The following PRR12 variants were observed in gnomAD, a reference collection of about 807,000 sequenced individuals.
PRR12 encodes the protein proline rich 12, also known as proline-rich protein 12.
Under a neutral mutation model 138.0 loss-of-function variants are expected in PRR12, and 12 were observed. The observed-to-expected ratio is 0.09, with a 90% confidence interval of 0.06 to 0.14. PRR12 has a LOEUF of 0.14. Ranked by LOEUF, PRR12 falls within the 10% of genes least tolerant of loss-of-function variation. The pLI is 1.00. For synonymous variants in PRR12, 1,567 were observed against 1,291.7 expected, an observed-to-expected ratio of 1.21 and a Z score of -4.57; for missense variants, 2,692 against 2,861.3, an observed-to-expected ratio of 0.94 and a Z score of 1.35.
At chr19:49,603,810 A>T (rs79501842) in intron 6 of PRR12, among the ~76,000 whole-genome samples, 13 of 152,116 alleles carry the variant, frequency 8.5e-5, no homozygotes, top group Admixed American at 7.9e-4. Flanking sequence ...GATAATAACT[A>T]TCATTACACT....
rs1287541483 is a variant in PRR12 at position 49,599,274 on chromosome 19, C to A, written c.3681C>A (p.Ile1227=). Residue 1227 remains isoleucine (I), a splice_region_variant and synonymous_variant, in exon 5 of 14, where the codon ATC becomes ATA. Coordinates refer to ENST00000418929, the MANE Select transcript of PRR12 (RefSeq NM_020719.3). This position sits in a 1 kb window ranked among gnomAD's most constrained non-coding sequence, Gnocchi z 5.0. ...TRLEPLKPLK[I]KLSVPKAGEG... ...CGGCCCGCCACTCCCATGTCTAGAT[C>A]AAGCTGTCTGTGCCCAAGGCTGGCG... The A allele has an allele frequency of 1.6e-5, 25 of 1,592,920 alleles. No homozygotes were observed. Among genetic ancestry groups the A allele is most frequent in the Non-Finnish European group, 2.1e-5 (25 of 1,168,494 alleles).
chr19:49,621,879 A>G, intron 11 of PRR12: 1 of 510,096 alleles, frequency 2.0e-6, no homozygotes, highest in Non-Finnish European at 3.6e-6. Context: ...GTTTCGGAGA[A>G]CAAGTGTGCA....
intron 11 of PRR12, among the ~76,000 whole-genome samples, chr19:49,622,764 C>T (rs569123348): frequency 2.0e-4 from 30 of 149,920 alleles, no homozygotes; most frequent in Middle Eastern, 3.4e-3. Context: ...TGGTGGCGGG[C>T]GCCTGTAGTC....
In PRR12 at chr19:49,597,537, A is replaced by C. The variant is rs751989043; in HGVS notation, c.3202A>C (p.Lys1068Gln). The change falls in exon 4 of 14, where the codon AAG (lysine) becomes CAG (glutamine). Residue 1068 changes from lysine to glutamine, a missense_variant. By Grantham distance (53) the Lys-to-Gln change is moderately conservative (BLOSUM62 1). This residue lies in a region of PRR12 where 840 missense variants were observed against 689.8 expected (regional missense o/e 1.22). Coordinates refer to ENST00000418929, the MANE Select transcript of PRR12 (RefSeq NM_020719.3). This position sits in a 1 kb window ranked among gnomAD's most constrained non-coding sequence, Gnocchi z 6.3. Reference sequence around the variant, plus strand: ...CACCTCGCCCATCTTCTGCTCTACCAAGCCAAAGAAGCTGCTCAAGACATC... The same window carrying C: ...CACCTCGCCCATCTTCTGCTCTACCCAGCCAAAGAAGCTGCTCAAGACATC... ...GLTSPIFCST[K>Q]PKKLLKTSSF... The C allele has an allele frequency of 6.4e-7, 1 of 1,572,606 alleles. No homozygotes were observed.
rs552842486 is a variant in PRR12, at chr19:49,613,691, C to T, written c.4774-842C>T. Among the ~76,000 whole-genome samples, 9 of 152,332 alleles carry T rather than the reference C, an allele frequency of 5.9e-5. No homozygotes were observed. In the East Asian group the frequency reaches 1.7e-3, roughly 29 times the overall value. On this transcript the variant is annotated intron_variant, in intron 6 of 13. Transcript: ENST00000418929. ...CTGTTCTTGGCACAGGCCACAAACT[C>T]ACCCTGTTTTGTTTATTTGCTTGTC...
At chr19:49,611,996 G>C (rs987020849) in intron 6 of PRR12, among the ~76,000 whole-genome samples, 4 of 150,946 alleles carry the variant, frequency 2.6e-5, no homozygotes, top group Non-Finnish European at 5.9e-5. Flanking sequence ...ACTTTGGGAG[G>C]CCCAGGCGGG....
At chr19:49,622,545 T>G (rs1159506561) in intron 11 of PRR12, among the ~76,000 whole-genome samples, 2 of 147,016 alleles carry the variant, frequency 1.4e-5, no homozygotes. Context: ...TGAGCCAAGA[T>G]GGTACCACTG....
intron 9 of PRR12, among the ~76,000 whole-genome samples, chr19:49,619,851 C>CTTTTTTTTT (rs55707507): frequency 1.1e-4 from 6 of 53,936 alleles, no homozygotes; most frequent in Non-Finnish European, 1.6e-4. Flanking sequence ...CAATGCCTGG[C>CTTTTTTTTT]TTTTTTTTTT....
intron 10 of PRR12, among the ~76,000 whole-genome samples, chr19:49,620,816 C>T (rs1204568778): frequency 9.8e-5 from 13 of 132,198 alleles, no homozygotes; most frequent in South Asian, 2.6e-4. Flanking sequence ...GGGCTGGGGG[C>T]CTGGACTCCT....
intron 6 of PRR12, among the ~76,000 whole-genome samples, chr19:49,609,628 T>C: frequency 6.9e-6 from 1 of 145,696 alleles, no homozygotes; most frequent in East Asian, 2.0e-4. Context: ...ATTTGTTGGA[T>C]GGAGAAGAGT....
At chr19:49,602,836 G>GC (rs1294904715) in intron 6 of PRR12, among the ~76,000 whole-genome samples, 1 of 152,228 alleles carries the variant, frequency 6.6e-6, no homozygotes, top group Non-Finnish European at 1.5e-5. Flanking sequence ...ACAGGTGTGA[G>GC]CCACTGTGCC....
In PRR12 at chr19:49,595,300, C is replaced by A. The variant is rs1209085093; in HGVS notation, c.965C>A (p.Ser322Tyr). Reference protein sequence around the residue: ...HYLSCGGSYPSMGHRANLACS... With the variant: ...HYLSCGGSYPYMGHRANLACS... Reference sequence around the variant, plus strand: ...CTGAGCTGTGGAGGCAGCTACCCCTCCATGGGCCACCGGGCCAACCTGGCC... The same window carrying A: ...CTGAGCTGTGGAGGCAGCTACCCCTACATGGGCCACCGGGCCAACCTGGCC... Residue 322 changes from serine (S) to tyrosine (Y), a missense_variant, in exon 4 of 14, where the codon TCC becomes TAC. Transcript: ENST00000418929. 1 of 1,545,348 alleles carries A rather than the reference C, an allele frequency of 6.5e-7. No individual in the cohort carries two copies. Among genetic ancestry groups the A allele is most frequent in the Non-Finnish European group, 8.7e-7 (1 of 1,146,230 alleles).
At position 49,599,757 on chromosome 19, in the gene PRR12, C is replaced by T. The variant is rs752042891; in HGVS notation, c.4164C>T (p.Val1388=). Residue 1388 remains valine (V), a synonymous_variant, in exon 5 of 14, where the codon GTC becomes GTT. Transcript: ENST00000418929. The surrounding 1 kb of genome is among the most constrained non-coding windows in gnomAD (Gnocchi z 5.0). ...PSFSSDEEDS[V]AKNRDLQESI... is the part of the protein sequence containing the mutation. ...TCTCCTCGGATGAGGAAGACTCTGTCGCCAAGAACCGAGACCTGCAGGAGA... is the reference window on the plus strand; with the variant it reads ...TCTCCTCGGATGAGGAAGACTCTGTTGCCAAGAACCGAGACCTGCAGGAGA... The T allele has an allele frequency of 3.1e-5, 50 of 1,613,638 alleles. No individual in the cohort carries two copies. Among genetic ancestry groups the T allele is most frequent in the African/African-American group, 1.9e-4 (14 of 75,056 alleles).
At chr19:49,618,827 G>A (rs1193175635) in intron 9 of PRR12, among the ~76,000 whole-genome samples, 1 of 151,018 alleles carries the variant, frequency 6.6e-6, no homozygotes, top group Admixed American at 6.6e-5. Context: ...ACCTTCATTC[G>A]TTCCTACCTG....
At position 49,601,619 on chromosome 19, in the gene PRR12, A is replaced by G; in HGVS notation, c.4474A>G (p.Thr1492Ala). ...CTCGCCACCCCCGCTGGTGGCCCCCACGCCCAGCTCACCACCGCCACCGCC... is the reference window on the plus strand; with the variant it reads ...CTCGCCACCCCCGCTGGTGGCCCCCGCGCCCAGCTCACCACCGCCACCGCC... Reference protein sequence around the residue: ...LPSPPPLVAPTPSSPPPPPLP... With the variant: ...LPSPPPLVAPAPSSPPPPPLP... Residue 1492 changes from threonine to alanine, a missense_variant, in exon 6 of 14, where the codon ACG (threonine) becomes GCG (alanine). Transcript: ENST00000418929. 1 of 1,510,070 alleles carries G rather than the reference A, an allele frequency of 6.6e-7. No individual in the cohort carries two copies. The highest frequency in any genetic ancestry group is 8.8e-7 in the Non-Finnish European group (1 of 1,132,900). 93.5% of individuals were successfully genotyped at this position (1,510,070 alleles called of 1,614,324 possible).
At chr19:49,604,354 A>G (rs1173857988) in intron 6 of PRR12, among the ~76,000 whole-genome samples, 1 of 149,744 alleles carries the variant, frequency 6.7e-6, no homozygotes, top group African/African-American at 2.5e-5. Flanking sequence ...CAAGGGAGCG[A>G]GACTGTCTCA....
intron 6 of PRR12, among the ~76,000 whole-genome samples, chr19:49,605,499 T>C (rs1393529308): frequency 6.6e-6 from 1 of 152,108 alleles, no homozygotes; most frequent in Non-Finnish European, 1.5e-5. Flanking sequence ...TGACCTCAGG[T>C]GATCTGCCTG....
rs759223936 is a variant in PRR12, at chr19:49,601,736, G to A, written c.4591G>A (p.Ala1531Thr). 2.1e-4 allele frequency: 328 copies of A among 1,549,208 alleles called. No individual in the cohort carries two copies. The highest frequency in any genetic ancestry group is 4.5e-4 in the Middle Eastern group (2 of 4,406). ...APLAAPPEEP[A>T]APSPEDPELP... The stretch of plus-strand genomic sequence containing the variant: ...ACTGGCTGCTCCTCCTGAGGAGCCC[G>A]CCGCCCCGTCTCCCGAAGACCCCGA... Residue 1531 changes from alanine (A) to threonine (T), a missense_variant, in exon 6 of 14, where the codon GCC (alanine) becomes ACC (threonine). This residue lies in a region of PRR12 where 231 missense variants were observed against 200.8 expected (regional missense o/e 1.15). Coordinates refer to ENST00000418929, the MANE Select transcript of PRR12 (RefSeq NM_020719.3).
intron 10 of PRR12, 61 bp from the exon 11 acceptor site, chr19:49,621,464 A>G (rs1021004595): frequency 1.5e-6 from 2 of 1,351,048 alleles, no homozygotes; most frequent in African/African-American, 2.9e-5. Context: ...CCATGACCCC[A>G]CCTTGGCCCC....
Sources: allele counts gnomAD v4.1 joint callset (sites outside exome capture counted in the v4.1 genomes callset), GRCh38; gene constraint gnomAD v4.1.1; regional missense constraint gnomAD v4.1.1; non-coding constraint Gnocchi (gnomAD v3.1); transcripts MANE v1.5; gene names NCBI Gene and HGNC (gene_info 2026-07-23, HGNC 2026-07-21).